Variants in ZNF81 observed in about 807,000 individuals in gnomAD.
The protein encoded by ZNF81 is zinc finger protein 81 (HFZ20).
Under a neutral mutation model 32.3 loss-of-function variants are expected in ZNF81, and 5 were observed. The observed-to-expected ratio is 0.15, with a 90% CI of 0.08 to 0.33. The LOEUF (loss-of-function observed/expected upper bound fraction) is 0.33. ZNF81 is among the 10% of genes least tolerant of loss of function. The probability of loss-of-function intolerance (pLI) is 1.00; values close to 1 mark genes in which losing one functional copy is unlikely to be tolerated. For missense variants in ZNF81, 379 were observed against 479.8 expected (o/e 0.79, Z 1.96); for synonymous variants, 163 against 166.8 (o/e 0.98, Z 0.17).
intron 1 of ZNF81, among the ~76,000 whole-genome samples, chrX:47,839,497 A>C (rs1364280111): frequency 8.9e-6 from 1 of 111,974 alleles, no homozygotes; most frequent in African/African-American, 3.2e-5. Context: ...CATGCACAAA[A>C]TTATTAAACA....
rs2058751829 is a variant in ZNF81, at chrX:47,915,181, A to C, written c.535A>C (p.Ser179Arg). 3 of 1,202,147 alleles carry C rather than the reference A, an allele frequency of 2.5e-6. No individual in the cohort carries two copies. In the African/African-American group the frequency reaches 5.2e-5, roughly 21 times the overall value. Residue 179 changes from serine (S) to arginine (R), a missense_variant, in exon 5 of 5, where the codon AGC becomes CGC. Physicochemically the swap from Ser to Arg is moderately radical, Grantham distance 110. Around this residue, in one of 2 missense-constraint regions of ZNF81, gnomAD observed 277 missense variants for 306.6 expected, o/e 0.90. Transcript: ENST00000338637. ...YKDFGKFVHP[S>R]PNLILSQKRP... is the part of the protein sequence containing the mutation. ...AGACTTTGGAAAATTTGTTCATCCAAGCCCAAATCTCATTCTTTCACAGAA... is the reference window on the plus strand; with the variant it reads ...AGACTTTGGAAAATTTGTTCATCCACGCCCAAATCTCATTCTTTCACAGAA...
rs200082826 is a variant in ZNF81 at position 47,850,887 on chromosome X, G to A, written c.54+4566G>A. ...AACACGTGCACTCATTCACAGGCAC[G>A]CGCGCACACACACACACACACACAC... On this transcript the variant is annotated intron_variant, in intron 2 of 4. Coordinates refer to ENST00000338637, the MANE Select transcript of ZNF81 (RefSeq NM_007137.5). Among the ~76,000 whole-genome samples the A allele has an allele frequency of 4.1e-3, 101 of 24,557 alleles. 2 individuals carry two copies. Among genetic ancestry groups the A allele is most frequent in the African/African-American group, 8.3e-3 (100 of 12,106 alleles). The allele number at this position is 24,557 out of a possible 115,157, so 21.3% of individuals were successfully genotyped here.
chrX:47,920,665 C>T lies in ZNF81; in HGVS notation c.*4033C>T, dbSNP rs1200382671. The stretch of plus-strand genomic sequence containing the variant: ...GTTTCATTGGAGCTTTGTGCCATTT[C>T]TATGTTAACAGCAGCCCCCTTGCAG... On this transcript the variant is annotated 3_prime_UTR_variant, in exon 5 of 5. Coordinates refer to ENST00000338637, the MANE Select transcript of ZNF81 (RefSeq NM_007137.5). 9.1e-6 allele frequency: 1 copy of T among 110,134 alleles called. No homozygotes were observed. Among genetic ancestry groups the T allele is most frequent in the Non-Finnish European group, 1.9e-5 (1 of 52,764 alleles). The allele number at this position is 110,134 out of a possible 1,213,427, so 9.1% of individuals were successfully genotyped here.
rs1556891506 is a variant in ZNF81 at position 47,919,164 on chromosome X, G to A, written c.*2532G>A. 2 of 330,771 alleles carry A rather than the reference G, an allele frequency of 6.0e-6. No individual in the cohort carries two copies. Among genetic ancestry groups the A allele is most frequent in the Non-Finnish European group, 1.2e-5 (2 of 169,885 alleles). 27.3% of individuals were successfully genotyped at this position (330,771 alleles called of 1,213,427 possible). A position where few individuals can be genotyped will look rare whatever the true frequency, so the allele number is the denominator to read the frequency against. On this transcript the variant is annotated 3_prime_UTR_variant, in exon 5 of 5. Coordinates refer to ENST00000338637, the MANE Select transcript of ZNF81 (RefSeq NM_007137.5). ...AACACATTTTGCATGGGGTGGTAAT[G>A]TGAATACTTTGTGACCAGAAGACAC...
chrX:47,866,444 C>T (rs1275157865), intron 2 of ZNF81, among the ~76,000 whole-genome samples: 2 of 111,913 alleles, frequency 1.8e-5, no homozygotes, highest in East Asian at 5.6e-4. Context: ...AAATCTCACC[C>T]TTGTATGTAG....
At chrX:47,854,567 A>G (rs1472571582) in intron 2 of ZNF81, among the ~76,000 whole-genome samples, 1 of 111,450 alleles carries the variant, frequency 9.0e-6, no homozygotes, top group African/African-American at 3.3e-5. Context: ...TTTCACTTGA[A>G]CACTTAGAGA....
intron 4 of ZNF81, among the ~76,000 whole-genome samples, chrX:47,900,970 G>A (rs1569389670): frequency 9.0e-6 from 1 of 111,123 alleles, no homozygotes; most frequent in East Asian, 2.8e-4. Context: ...GCTTTTATGA[G>A]AATTTTAGCT....
chrX:47,880,818 C>A (rs1276507096), intron 2 of ZNF81, among the ~76,000 whole-genome samples: 1 of 111,877 alleles, frequency 8.9e-6, no homozygotes, highest in Non-Finnish European at 1.9e-5. Context: ...ATACCTGAAA[C>A]TGGGTAATTT....
chrX:47,841,715 G>T, intron 1 of ZNF81: 1 of 577,527 alleles, frequency 1.7e-6, no homozygotes, highest in Non-Finnish European at 2.8e-6. Flanking sequence ...TTCTAGTCGT[G>T]TCTTTTTTAT....
At chrX:47,849,395 C>T (rs985921555) in intron 2 of ZNF81, among the ~76,000 whole-genome samples, 5 of 111,534 alleles carry the variant, frequency 4.5e-5, no homozygotes, top group African/African-American at 1.3e-4. Flanking sequence ...CAGCTGGGCG[C>T]GGTGGCTCAC....
At position 47,883,606 on chromosome X, in the gene ZNF81, G is replaced by A. The variant is rs782354769; in HGVS notation, c.55-4393G>A. On this transcript the variant is annotated intron_variant, in intron 2 of 4. Coordinates refer to ENST00000338637, the MANE Select transcript of ZNF81 (RefSeq NM_007137.5). The stretch of plus-strand genomic sequence containing the variant: ...TTTCTATGATTTGTTTTCTATTTCT[G>A]TTCTTTAGTAATTCCTTTCTTTTAC... Among the ~76,000 whole-genome samples the A allele has an allele frequency of 8.0e-5, 9 of 111,927 alleles. No homozygotes were observed. In the South Asian group the frequency reaches 2.2e-3, roughly 27 times the overall value.
chrX:47,849,852 G>T (rs1442367262), intron 2 of ZNF81, among the ~76,000 whole-genome samples: 1 of 111,742 alleles, frequency 8.9e-6, no homozygotes, highest in East Asian at 2.8e-4. Context: ...ATATTCAGAT[G>T]GCTAATAGAC....
intron 2 of ZNF81, among the ~76,000 whole-genome samples, chrX:47,858,443 A>G (rs1168326053): frequency 1.8e-5 from 2 of 111,886 alleles, no homozygotes; most frequent in East Asian, 2.8e-4. Context: ...GCTGATTAAG[A>G]TGGAGACCAT....
intron 2 of ZNF81, among the ~76,000 whole-genome samples, chrX:47,870,861 T>C (rs1227200878): frequency 8.9e-6 from 1 of 112,265 alleles, no homozygotes; most frequent in Non-Finnish European, 1.9e-5. Context: ...CTGAAACCTT[T>C]AAAATCCATC....
chrX:47,916,745 G>A lies in ZNF81; in HGVS notation c.*113G>A. On this transcript the variant is annotated 3_prime_UTR_variant, in exon 5 of 5. Transcript: ENST00000338637. ...ATCCTATATGAATACATTGTATAAG[G>A]AAAAGCATCAGGCTATCTCACTTGA... 1 of 837,669 alleles carries A rather than the reference G, an allele frequency of 1.2e-6. No individual in the cohort carries two copies. Among genetic ancestry groups the A allele is most frequent in the Non-Finnish European group, 1.6e-6 (1 of 622,612 alleles). 69.0% of individuals were successfully genotyped at this position (837,669 alleles called of 1,213,427 possible). A position where few individuals can be genotyped will look rare whatever the true frequency, so the allele number is the denominator to read the frequency against.
At position 47,887,925 on chromosome X, in the gene ZNF81, A is replaced by G. The variant is rs781787299; in HGVS notation, c.55-74A>G. Reference sequence around the variant, plus strand: ...ATATTATGATGAAAAAGTATCAAAAAGAGCTTCCTATCTGTTTTCTCTCCA... The same window carrying G: ...ATATTATGATGAAAAAGTATCAAAAGGAGCTTCCTATCTGTTTTCTCTCCA... On this transcript the variant is annotated intron_variant, in intron 2 of 4. Transcript: ENST00000338637. The G allele has an allele frequency of 4.2e-6, 5 of 1,181,881 alleles. No homozygotes were observed. The South Asian group carries it at 7.1e-5, about 17-fold the overall frequency.
intron 2 of ZNF81, among the ~76,000 whole-genome samples, chrX:47,868,298 G>C (rs2058567327): frequency 9.0e-6 from 1 of 110,973 alleles, no homozygotes; most frequent in African/African-American, 3.3e-5. Context: ...CTCTATCTGT[G>C]ACTGCCAGAT....
rs1556891237 is a variant in ZNF81 at position 47,917,564 on chromosome X, C to T, written c.*932C>T. On this transcript the variant is annotated 3_prime_UTR_variant, in exon 5 of 5. Coordinates refer to ENST00000338637, the MANE Select transcript of ZNF81 (RefSeq NM_007137.5). ...GCAAACCTGAAGAATCTCAAATTGC[C>T]CTACTCGGGGGTGAGGAGCCACCAC... The T allele has an allele frequency of 8.5e-6, 2 of 233,963 alleles. No homozygotes were observed. The highest frequency in any genetic ancestry group is 1.5e-5 in the Non-Finnish European group (2 of 130,774). The allele number at this position is 233,963 out of a possible 1,213,427, so 19.3% of individuals were successfully genotyped here.
chrX:47,891,066 A>G (rs782726218), intron 3 of ZNF81, among the ~76,000 whole-genome samples: 7 of 112,467 alleles, frequency 6.2e-5, no homozygotes, highest in African/African-American at 2.3e-4. Flanking sequence ...GGTGATCAAG[A>G]TGCCTGCAGA....
Sources: allele counts gnomAD v4.1 joint callset (sites outside exome capture counted in the v4.1 genomes callset), GRCh38; gene constraint gnomAD v4.1.1; regional missense constraint gnomAD v4.1.1; transcripts MANE v1.5; gene names NCBI Gene and HGNC (gene_info 2026-07-23, HGNC 2026-07-21).